Variants in GNAS observed in about 807,000 individuals in gnomAD.
GNAS encodes protein ALEX.
Under a neutral mutation model 54.5 loss-of-function variants are expected in GNAS, and 8 were observed. The ratio of observed to expected loss-of-function variants is 0.15; its 90% CI spans 0.09 to 0.26. The LOEUF is 0.26. GNAS is among the 10% of genes least tolerant of loss of function. The probability of loss-of-function intolerance (pLI) is 1.00; values close to 1 mark genes in which losing one functional copy is unlikely to be tolerated. For synonymous variants in GNAS, 204 were observed against 191.4 expected (o/e 1.07, Z -0.54); for missense variants, 170 against 529.8 (o/e 0.32, Z 6.67).
rs1555873743 is a variant in GNAS at position 58,853,519 on chromosome 20, T to C, written c.43+12633T>C. ...AACTTTCAGGTCCTCAACCCGGCAT[T>C]CAGGGAAGCTGGAGCCCATGGAAGC... On this transcript the variant is annotated intron_variant, in intron 1 of 12. Transcript: ENST00000306090. The surrounding 1 kb of genome is among the most constrained non-coding windows in gnomAD (Gnocchi z 4.4). 6.2e-7 allele frequency: 1 copy of C among 1,613,098 alleles called. No individual in the cohort carries two copies. Among genetic ancestry groups the C allele is most frequent in the Non-Finnish European group, 8.5e-7 (1 of 1,179,864 alleles).
chr20:58,903,621 C>A (rs200066108), intron 4 of GNAS, 36 bp downstream of exon 4: 2 of 1,613,958 alleles, frequency 1.2e-6, no homozygotes, highest in Non-Finnish European at 8.5e-7. Flanking sequence ...TGTCTTGTAG[C>A]GCCCTCCCAG....
chr20:58,867,196 G>A (rs1372046017), intron 1 of GNAS, among the ~76,000 whole-genome samples: 1 of 152,190 alleles, frequency 6.6e-6, no homozygotes, highest in Non-Finnish European at 1.5e-5. Flanking sequence ...AAGACTCAGG[G>A]CAGAACCCAA....
upstream of GNAS, among the ~76,000 whole-genome samples, chr20:58,887,646 G>C (rs2088683698): frequency 6.6e-6 from 1 of 152,204 alleles, no homozygotes; most frequent in African/African-American, 2.4e-5. Flanking sequence ...TTGTGTGGAA[G>C]AGAGGCCATC....
At chr20:58,891,328 C>G (rs1302883626), upstream of GNAS, 1 of 147,754 alleles carries the variant, frequency 6.8e-6, no homozygotes, top group African/African-American at 2.5e-5. Context: ...CCTCCTCCCC[C>G]CGCCTCCCCC....
At chr20:58,874,545 C>T (rs970306307) in intron 1 of GNAS, among the ~76,000 whole-genome samples, 4 of 152,244 alleles carry the variant, frequency 2.6e-5, no homozygotes, top group African/African-American at 9.7e-5. Context: ...TAGCTCCAAC[C>T]CTCCATCTTA....
upstream of GNAS, among the ~76,000 whole-genome samples, chr20:58,891,047 T>G (rs2089191720): frequency 6.7e-6 from 1 of 149,620 alleles, no homozygotes; most frequent in Non-Finnish European, 1.5e-5. Flanking sequence ...GGTGGAGCGT[T>G]GGCGTCGTGC....
At chr20:58,905,061 G>GT (rs1438624644) in intron 5 of GNAS, among the ~76,000 whole-genome samples, 1 of 152,076 alleles carries the variant, frequency 6.6e-6, no homozygotes, top group African/African-American at 2.4e-5. Flanking sequence ...AACACATTTA[G>GT]TGTATATTCT....
chr20:58,894,313 C>T (rs992063404), intron 1 of GNAS, among the ~76,000 whole-genome samples: 1 of 152,152 alleles, frequency 6.6e-6, no homozygotes, highest in African/African-American at 2.4e-5. Context: ...TTTCCTTGGC[C>T]TCTCTTAATA....
chr20:58,894,024 G>GC (rs2089793206), intron 1 of GNAS, among the ~76,000 whole-genome samples: 1 of 152,174 alleles, frequency 6.6e-6, no homozygotes, highest in South Asian at 2.1e-4. Flanking sequence ...ACAATATTTT[G>GC]CATTTTTAAA....
At chr20:58,846,061 G>C (rs1235966051) in intron 1 of GNAS, among the ~76,000 whole-genome samples, 1 of 152,202 alleles carries the variant, frequency 6.6e-6, no homozygotes, top group African/African-American at 2.4e-5. Context: ...CAGTAAAGTG[G>C]GGAGAGATTT....
chr20:58,853,073 G>T lies in GNAS; in HGVS notation c.43+12187G>T. On this transcript the variant is annotated intron_variant, in intron 1 of 12. Coordinates refer to the GNAS transcript ENST00000306090. This position sits in a 1 kb window ranked among gnomAD's most constrained non-coding sequence, Gnocchi z 4.4. ...AGACTCCACCAGCAACAATTGAGTT[G>T]CTTCAGCCTCAGTCTAGGGTTCCTT... is the stretch of plus-strand genomic sequence containing the variant. 1 of 1,391,770 alleles carries T rather than the reference G, an allele frequency of 7.2e-7. No individual in the cohort carries two copies. Among genetic ancestry groups the T allele is most frequent in the Non-Finnish European group, 9.3e-7 (1 of 1,078,976 alleles). The allele number at this position is 1,391,770 out of a possible 1,614,324, so 86.2% of individuals were successfully genotyped here. A position where few individuals can be genotyped will look rare whatever the true frequency, so the allele number is the denominator to read the frequency against.
intron 1 of GNAS, chr20:58,855,512 G>A: frequency 1.4e-6 from 1 of 732,236 alleles, no homozygotes; most frequent in Non-Finnish European, 2.5e-6. Context: ...AGCGGGAGGG[G>A]ATCTTTGGTG....
chr20:58,857,518 T>C lies in GNAS; in HGVS notation c.43+16632T>C, dbSNP rs2086570711. 1.3e-5 allele frequency among the ~76,000 whole-genome samples: 2 copies of C among 152,332 alleles called. 1 individual carries two copies. The highest frequency in any genetic ancestry group is 4.1e-4 in the South Asian group (2 of 4,824). Reference sequence around the variant, plus strand: ...TACAGACAGGAGACCCAAGTGACAGTGTGCACCTGACCCCTAATTGTCAAA... The same window carrying C: ...TACAGACAGGAGACCCAAGTGACAGCGTGCACCTGACCCCTAATTGTCAAA... On this transcript the variant is annotated intron_variant, in intron 1 of 12. Coordinates refer to the GNAS transcript ENST00000306090. The surrounding 1 kb of genome is among the most constrained non-coding windows in gnomAD (Gnocchi z 4.1).
chr20:58,881,770 T>TA (rs2088237830), intron 1 of GNAS: 1 of 152,228 alleles, frequency 6.6e-6, no homozygotes, highest in Admixed American at 6.5e-5. Context: ...TCCAGAGTTT[T>TA]TATTTCTTGG....
At chr20:58,850,398 G>C (rs1265640394) in intron 1 of GNAS, 7 of 397,312 alleles carry the variant, frequency 1.8e-5, no homozygotes, top group Admixed American at 1.8e-4. Context: ...TGAGGGTGTC[G>C]AACAGAGACC....
chr20:58,853,410 A>T lies in GNAS; in HGVS notation c.43+12524A>T, dbSNP rs770270877. 1 of 1,583,456 alleles carries T rather than the reference A, an allele frequency of 6.3e-7. No homozygotes were observed. ...TGCTGGGCCTAGCCCAGCCGAAGAG[A>T]TGGAGACCGAACCGCCTCACAACGA... On this transcript the variant is annotated intron_variant, in intron 1 of 12. Coordinates refer to the GNAS transcript ENST00000306090. The surrounding 1 kb of genome is among the most constrained non-coding windows in gnomAD (Gnocchi z 4.4).
chr20:58,891,561 C>T lies in GNAS; in HGVS notation c.-166C>T. 1.0e-6 allele frequency: 1 copy of T among 969,126 alleles called. No individual in the cohort carries two copies. Among genetic ancestry groups the T allele is most frequent in the Non-Finnish European group, 1.2e-6 (1 of 819,878 alleles). 60.0% of individuals were successfully genotyped at this position (969,126 alleles called of 1,614,324 possible). On this transcript the variant is annotated 5_prime_UTR_variant, in exon 1 of 13. Transcript: ENST00000371085. ...CTCCCCTTCCCGCCCGTCCGCGCGC[C>T]CCGCGGCCCGCGGCCCGCAGTCCGC... is the stretch of plus-strand genomic sequence containing the variant.
In GNAS at chr20:58,873,565, G is replaced by A. The variant is rs890638198; in HGVS notation, c.44-22047G>A. 4.6e-5 allele frequency among the ~76,000 whole-genome samples: 7 copies of A among 152,142 alleles called. No individual in the cohort carries two copies. The highest frequency in any genetic ancestry group is 3.3e-4 in the Admixed American group (5 of 15,282). The stretch of plus-strand genomic sequence containing the variant: ...TTCCTAATTTTTTGGTTAACTTGAA[G>A]GTCGAAATAGCCTTACTCCTTTTTG... On this transcript the variant is annotated intron_variant, in intron 1 of 12. Coordinates refer to the GNAS transcript ENST00000306090. The surrounding 1 kb of genome is among the most constrained non-coding windows in gnomAD (Gnocchi z 4.3).
upstream of GNAS, chr20:58,840,472 G>C (rs936448388): frequency 1.9e-6 from 3 of 1,613,546 alleles, no homozygotes; most frequent in Non-Finnish European, 1.7e-6. The surrounding 1 kb of genome is among the most constrained non-coding windows in gnomAD (Gnocchi z 6.0). Flanking sequence ...TCGAGTCCGA[G>C]ACCGACTTCG....
Sources: allele counts gnomAD v4.1 joint callset (sites outside exome capture counted in the v4.1 genomes callset), GRCh38; gene constraint gnomAD v4.1.1; non-coding constraint Gnocchi (gnomAD v3.1); transcripts MANE v1.5; gene names NCBI Gene and HGNC (gene_info 2026-07-23, HGNC 2026-07-21).